The following MYOZ1 variants were observed in gnomAD, a reference collection of about 807,000 sequenced individuals.
MYOZ1 encodes the protein myozenin-1.
MYOZ1 carries 20 observed loss-of-function variants against 28.7 expected under a neutral mutation model. The ratio of observed to expected loss-of-function variants is 0.70; its 90% CI spans 0.49 to 1.01. The LOEUF is 1.01. Ranked by LOEUF, MYOZ1 falls within the 50% of genes least tolerant of loss-of-function variation. The pLI, the probability that MYOZ1 is intolerant of heterozygous loss-of-function variation, is 0.00. For missense variants in MYOZ1, 371 were observed against 372.4 expected (o/e 1.00, Z 0.03); for synonymous variants, 144 against 145.8 (o/e 0.99, Z 0.09).
intron 1 of MYOZ1, 61 bp from the exon 2 acceptor site, chr10:73,640,096 G>A (rs2081694595): frequency 8.6e-6 from 12 of 1,401,176 alleles, no homozygotes; most frequent in South Asian, 3.6e-5. Context: ...GTGAGTGTCT[G>A]TAGGAGAGCA....
chr10:73,640,977 C>T (rs1441653806), intron 1 of MYOZ1, among the ~76,000 whole-genome samples: 2 of 152,108 alleles, frequency 1.3e-5, no homozygotes, highest in Non-Finnish European at 2.9e-5. Context: ...CAAATCCCGA[C>T]ACGTCAATTC....
chr10:73,637,010 C>CTTTTTTTTT lies in MYOZ1; in HGVS notation c.252+733_252+734insAAAAAAAAA, dbSNP rs200349316. Reference sequence around the variant, plus strand: ...TTATCTTCTTCCTTTTTTCTTTTTTCTTTCTTTTTTTTTTTTTTTTGAGAC... The same window carrying CTTTTTTTTT: ...TTATCTTCTTCCTTTTTTCTTTTTTCTTTTTTTTTTTTCTTTTTTTTTTTTTTTTGAGAC... On this transcript the variant is annotated intron_variant, in intron 3 of 5. Transcript: ENST00000359322. Among the ~76,000 whole-genome samples the CTTTTTTTTT allele has an allele frequency of 1.7e-3, 238 of 137,450 alleles. 3 individuals carry two copies. Among genetic ancestry groups the CTTTTTTTTT allele is most frequent in the African/African-American group, 6.6e-3 (227 of 34,248 alleles). 90.2% of individuals were successfully genotyped at this position (137,450 alleles called of 152,430 possible).
At position 73,641,404 on chromosome 10, in the gene MYOZ1, G is replaced by A. The variant is rs1271074634; in HGVS notation, c.-19+7C>T. 2 of 152,340 alleles carry A rather than the reference G, an allele frequency of 1.3e-5. No individual in the cohort carries two copies. The highest frequency in any genetic ancestry group is 3.8e-4 in the East Asian group (2 of 5,202). 9.4% of individuals were successfully genotyped at this position (152,340 alleles called of 1,614,324 possible). A position where few individuals can be genotyped will look rare whatever the true frequency, so the allele number is the denominator to read the frequency against. On this transcript the variant is annotated splice_region_variant and intron_variant, in intron 1 of 5. Transcript: ENST00000359322. ...CAGCCTTTCTAACGATAGAGCTGGAGACTTACCGGCTGCTCGGGCAGTGGT... is the reference window on the plus strand; with the variant it reads ...CAGCCTTTCTAACGATAGAGCTGGAAACTTACCGGCTGCTCGGGCAGTGGT...
Position 73,637,924 on chromosome 10 carries a change from T to G in MYOZ1, c.74-2A>C. Reference sequence around the variant, plus strand: ...TCAAGCCTGAGCTCTCCTGTCCACCTTTCAGGGAGGCAAAGAAGAAGAATC... The same window carrying G: ...TCAAGCCTGAGCTCTCCTGTCCACCGTTCAGGGAGGCAAAGAAGAAGAATC... On this transcript the variant is annotated splice_acceptor_variant, in intron 2 of 5. Coordinates refer to ENST00000359322, the MANE Select transcript of MYOZ1 (RefSeq NM_021245.4). LOFTEE classifies it high-confidence loss of function. The G allele has an allele frequency of 6.2e-7, 1 of 1,600,948 alleles. No homozygotes were observed. Among genetic ancestry groups the G allele is most frequent in the Non-Finnish European group, 8.5e-7 (1 of 1,175,218 alleles).
intron 5 of MYOZ1, 123 bp downstream of exon 5, chr10:73,633,777 A>AC (rs1191995536): frequency 1.5e-5 from 16 of 1,058,126 alleles, no homozygotes; most frequent in Admixed American, 5.3e-5. Context: ...TTTGATTAGG[A>AC]CCCCCATATC....
chr10:73,634,036 T>G lies in MYOZ1; in HGVS notation c.532A>C (p.Ile178Leu). The change falls in exon 5 of 6, where the codon ATC (isoleucine) becomes CTC (leucine). Residue 178 changes from isoleucine to leucine, a missense_variant. Physicochemically the swap from Ile to Leu is conservative, Grantham distance 5. Coordinates refer to ENST00000359322, the MANE Select transcript of MYOZ1 (RefSeq NM_021245.4). ...GAAATATAGGTCTTGAACACAGTGATATGTTTTCCTTCTCCGCCTGCCTGG... is the reference window on the plus strand; with the variant it reads ...GAAATATAGGTCTTGAACACAGTGAGATGTTTTCCTTCTCCGCCTGCCTGG... The part of the protein sequence containing the change: ...GDQAGGEGKH[I>L]TVFKTYISPW... The G allele has an allele frequency of 6.2e-7, 1 of 1,613,994 alleles. No individual in the cohort carries two copies. The highest frequency in any genetic ancestry group is 2.2e-5 in the East Asian group (1 of 44,866).
At chr10:73,637,010 C>CT (rs200349316) in intron 3 of MYOZ1, among the ~76,000 whole-genome samples, 14,411 of 136,444 alleles carry the variant, frequency 0.11, 1,101 homozygotes, top group East Asian at 0.29. Context: ...TTTCTTTTTT[C>CT]TTTCTTTTTT....
chr10:73,634,840 T>G, intron 3 of MYOZ1, 107 bp from the exon 4 acceptor site: 1 of 1,326,704 alleles, frequency 7.5e-7, no homozygotes, highest in Non-Finnish European at 1.0e-6. Flanking sequence ...CAGAAGACCC[T>G]GAATTTTCTG....
rs1345183501 is a variant in MYOZ1, at chr10:73,633,981, G to C, written c.587C>G (p.Pro196Arg). ...SPWERAMGVDPQQKMELGIDL... is the reference protein window; with the variant it reads ...SPWERAMGVDRQQKMELGIDL... ...AATGCCAAGTTCCATTTTTTGCTGG[G>C]GGTCAACCCCCATGGCTCGCTCCCA... The change falls in exon 5 of 6, where the codon CCC (proline) becomes CGC (arginine). Residue 196 changes from proline to arginine, a missense_variant. Pro to Arg is a moderately radical substitution (Grantham distance 103). Transcript: ENST00000359322. 7.4e-6 allele frequency: 12 copies of C among 1,613,434 alleles called. No individual in the cohort carries two copies. Among genetic ancestry groups the C allele is most frequent in the Non-Finnish European group, 1.0e-5 (12 of 1,179,808 alleles).
At position 73,632,121 on chromosome 10, in the gene MYOZ1, G is replaced by T; in HGVS notation, c.709C>A (p.Arg237Ser). The T allele has an allele frequency of 6.2e-7, 1 of 1,614,174 alleles. No individual in the cohort carries two copies. The highest frequency in any genetic ancestry group is 8.5e-7 in the Non-Finnish European group (1 of 1,180,026). ...PYGGYEKASK[R>S]MTFQMPKFDL... Reference sequence around the variant, plus strand: ...AACTTGGGCATCTGGAAGGTCATGCGTTTGGAGGCCTTCTCATATCCACCA... The same window carrying T: ...AACTTGGGCATCTGGAAGGTCATGCTTTTGGAGGCCTTCTCATATCCACCA... The change falls in exon 6 of 6, where the codon CGC becomes AGC. Residue 237 changes from arginine (R) to serine (S), a missense_variant. Transcript: ENST00000359322.
intron 5 of MYOZ1, among the ~76,000 whole-genome samples, chr10:73,633,674 A>G (rs1190850186): frequency 3.3e-5 from 5 of 152,216 alleles, no homozygotes; most frequent in African/African-American, 4.8e-5. Context: ...ATAAATGACC[A>G]TTGAGCTAGA....
Position 73,634,855 on chromosome 10 carries a change from T to C in MYOZ1, c.253-122A>G, listed in dbSNP as rs536904882. Reference sequence around the variant, plus strand: ...CAGAAGACCCTGAATTTTCTGATATTTCCCCCTCCAGTTGATGGGTAGTAC... The same window carrying C: ...CAGAAGACCCTGAATTTTCTGATATCTCCCCCTCCAGTTGATGGGTAGTAC... On this transcript the variant is annotated intron_variant, in intron 3 of 5. Transcript: ENST00000359322. The C allele has an allele frequency of 2.7e-3, 3,163 of 1,176,260 alleles. 15 individuals are homozygous for C. Among genetic ancestry groups the C allele is most frequent in the South Asian group, 4.4e-3 (280 of 63,820 alleles). The allele number at this position is 1,176,260 out of a possible 1,614,324, so 72.9% of individuals were successfully genotyped here.
chr10:73,638,668 T>TTATTTATTTATTTATG (rs530142118), intron 2 of MYOZ1, among the ~76,000 whole-genome samples: 19,637 of 147,438 alleles, frequency 0.13, 1,805 homozygotes, highest in East Asian at 0.25. Flanking sequence ...ATTTATTTAT[T>TTATTTATTTATTTATG]TATTTATTTA....
chr10:73,634,631 CT>C lies in MYOZ1; in HGVS notation c.354del (p.Gly120AlafsTer119). ...SKSNGRGGSQ[A>X]GGSGSAGQYG... ...TACTGTCCGGCAGAGCCACTGCCCC[CT>C]GCCTGGCTGCCGCCTCTGCCGTTGC... On this transcript the variant is annotated frameshift_variant, in exon 4 of 6. Coordinates refer to ENST00000359322, the MANE Select transcript of MYOZ1 (RefSeq NM_021245.4). LOFTEE classifies it high-confidence loss of function. 6.2e-7 allele frequency: 1 copy of C among 1,614,224 alleles called. No individual in the cohort carries two copies. Among genetic ancestry groups the C allele is most frequent in the South Asian group, 1.1e-5 (1 of 91,086 alleles).
At chr10:73,640,148 A>C in intron 1 of MYOZ1, 113 bp from the exon 2 acceptor site, 1 of 836,942 alleles carries the variant, frequency 1.2e-6, no homozygotes, top group South Asian at 1.7e-5. Context: ...GGGACAAAAA[A>C]ATTTTTTTTT....
chr10:73,639,335 C>T (rs2081689253), intron 2 of MYOZ1, among the ~76,000 whole-genome samples: 1 of 151,860 alleles, frequency 6.6e-6, no homozygotes, highest in African/African-American at 2.4e-5. Flanking sequence ...GTGCCTAGGC[C>T]AGTCTCAAAC....
intron 5 of MYOZ1, among the ~76,000 whole-genome samples, chr10:73,632,814 A>C: frequency 6.7e-6 from 1 of 149,118 alleles, no homozygotes; most frequent in Admixed American, 6.7e-5. Context: ...CAATATAGAG[A>C]CCCCCTCTCT....
intron 5 of MYOZ1, among the ~76,000 whole-genome samples, chr10:73,633,166 G>A (rs1484709187): frequency 3.9e-5 from 6 of 151,994 alleles, no homozygotes; most frequent in Admixed American, 6.6e-5. Flanking sequence ...GCGTGGTGGC[G>A]GGTGCCTATA....
chr10:73,631,934 A>G lies in MYOZ1; in HGVS notation c.896T>C (p.Leu299Pro), dbSNP rs541432415. The G allele has an allele frequency of 1.9e-5, 31 of 1,613,356 alleles. No individual in the cohort carries two copies. The highest frequency in any genetic ancestry group is 2.5e-5 in the Non-Finnish European group (30 of 1,179,376). The change falls in exon 6 of 6, where the codon CTG becomes CCG. Residue 299 changes from leucine (L) to proline (P), a missense_variant. Physicochemically the swap from Leu to Pro is moderately conservative, Grantham distance 98 (BLOSUM62 -3). Transcript: ENST00000359322. Reference sequence around the variant, plus strand: ...CAAATCAGAGGAGGAAACACCTCACAGCTCCTCTGTTTCTCCATCCAAGGG... The same window carrying G: ...CAAATCAGAGGAGGAAACACCTCACGGCTCCTCTGTTTCTCCATCCAAGGG... ...GIPLDGETEE[L>P]
Sources: allele counts gnomAD v4.1 joint callset (sites outside exome capture counted in the v4.1 genomes callset), GRCh38; gene constraint gnomAD v4.1.1; transcripts MANE v1.5; gene names NCBI Gene and HGNC (gene_info 2026-07-23, HGNC 2026-07-21).